GPC6: variants seen among roughly 807,000 people sequenced by gnomAD.
The protein encoded by GPC6 is glypican 6, also known as glypican-6.
In GPC6, 14 loss-of-function variants were observed where a neutral mutation model predicts 55.2. That is an observed-to-expected ratio of 0.25 (90% CI 0.17 to 0.40). The LOEUF is 0.40. Among genes scored for constraint, GPC6 ranks in the 10% least tolerant of loss-of-function variants. The pLI, the probability that GPC6 is intolerant of heterozygous loss-of-function variation, is 1.00. For synonymous variants in GPC6, 278 were observed against 259.6 expected (o/e 1.07, Z -0.68); for missense variants, 641 against 708.5 (o/e 0.90, Z 1.08).
intron 4 of GPC6, among the ~76,000 whole-genome samples, chr13:94,122,588 A>G (rs1179076525): frequency 6.6e-6 from 1 of 152,080 alleles, no homozygotes; most frequent in Non-Finnish European, 1.5e-5. Context: ...AAAGGAGATG[A>G]GAAATAGATG....
intron 2 of GPC6, among the ~76,000 whole-genome samples, chr13:93,672,097 A>C (rs535286473): frequency 5.9e-5 from 9 of 152,050 alleles, no homozygotes; most frequent in Non-Finnish European, 1.0e-4. Context: ...ACAACGTAGA[A>C]AAAAGGGTCC....
intron 6 of GPC6, 53 bp from the exon 7 acceptor site, chr13:94,382,361 A>G (rs907007663): frequency 1.2e-6 from 2 of 1,605,278 alleles, no homozygotes; most frequent in Admixed American, 3.3e-5. Flanking sequence ...TTGTGTAGAA[A>G]TGGGGAAAGC....
At chr13:93,592,394 AATATATAAATATAAATATATAAATAT>A (rs1490942754) in intron 2 of GPC6, among the ~76,000 whole-genome samples, 2 of 140,744 alleles carry the variant, frequency 1.4e-5, no homozygotes, top group Non-Finnish European at 3.0e-5. Context: ...AATATATATT[AATATATAAATATAAATATATAAATAT>A]ATATATATTT....
chr13:94,023,587 C>A (rs1048129068), intron 3 of GPC6, among the ~76,000 whole-genome samples: 2 of 152,004 alleles, frequency 1.3e-5, no homozygotes, highest in African/African-American at 4.8e-5. Context: ...ACGAAACATA[C>A]TCTTACCACC....
intron 4 of GPC6, among the ~76,000 whole-genome samples, chr13:94,077,380 C>T (rs1335636590): frequency 6.6e-6 from 1 of 151,698 alleles, no homozygotes; most frequent in Non-Finnish European, 1.5e-5. Flanking sequence ...TTAGTGGAGA[C>T]TTTAGAGTTT....
intron 2 of GPC6, among the ~76,000 whole-genome samples, chr13:93,589,805 C>T (rs1439073956): frequency 5.3e-5 from 8 of 152,154 alleles, no homozygotes; most frequent in Non-Finnish European, 1.2e-4. Flanking sequence ...AGCTGTATTA[C>T]ACCTTTTGTT....
At chr13:93,500,981 CT>C (rs749392082) in intron 1 of GPC6, among the ~76,000 whole-genome samples, 126 of 152,240 alleles carry the variant, frequency 8.3e-4, no homozygotes, top group Non-Finnish European at 1.6e-4. Flanking sequence ...TTAACAAGAA[CT>C]TTTTGTTACT....
chr13:93,378,494 G>A (rs1389291571), intron 1 of GPC6, among the ~76,000 whole-genome samples: 1 of 152,008 alleles, frequency 6.6e-6, no homozygotes, highest in African/African-American at 2.4e-5. Context: ...CCTATTTTGT[G>A]TCCCTAAGGC....
intron 1 of GPC6, among the ~76,000 whole-genome samples, chr13:93,496,112 C>A (rs926565414): frequency 6.6e-6 from 1 of 152,130 alleles, no homozygotes; most frequent in African/African-American, 2.4e-5. Context: ...GGTTGGCGCC[C>A]CTCCCCCAGC....
intron 3 of GPC6, among the ~76,000 whole-genome samples, chr13:93,881,099 T>C (rs1040689707): frequency 6.6e-6 from 1 of 152,078 alleles, no homozygotes; most frequent in Admixed American, 6.6e-5. Flanking sequence ...AACAATCTTT[T>C]GGATTTAATC....
intron 1 of GPC6, among the ~76,000 whole-genome samples, chr13:93,388,753 T>G (rs1875501860): frequency 6.6e-6 from 1 of 152,190 alleles, no homozygotes; most frequent in South Asian, 2.1e-4. Flanking sequence ...CTGATATATT[T>G]TTATGTTTAT....
intron 3 of GPC6, among the ~76,000 whole-genome samples, chr13:93,898,024 T>C (rs1876111921): frequency 6.6e-6 from 1 of 152,154 alleles, no homozygotes; most frequent in Non-Finnish European, 1.5e-5. Flanking sequence ...GGGAGGTTTT[T>C]CTACCATCAG....
At chr13:94,071,778 A>G (rs1884743996) in intron 4 of GPC6, among the ~76,000 whole-genome samples, 1 of 152,214 alleles carries the variant, frequency 6.6e-6, no homozygotes, top group Non-Finnish European at 1.5e-5. Context: ...AGTGAAGTTC[A>G]TGTAAATTTT....
At chr13:93,329,830 GAAC>G (rs1879780916) in intron 1 of GPC6, among the ~76,000 whole-genome samples, 2 of 149,108 alleles carry the variant, frequency 1.3e-5, no homozygotes, top group Non-Finnish European at 1.5e-5. Flanking sequence ...ATAAATGGAT[GAAC>G]AACAATAACA....
chr13:94,211,430 A>G (rs1890076169), intron 4 of GPC6, among the ~76,000 whole-genome samples: 1 of 152,226 alleles, frequency 6.6e-6, no homozygotes, highest in Non-Finnish European at 1.5e-5. Flanking sequence ...AAATGCATTT[A>G]CCTTTTGTCT....
intron 6 of GPC6, 129 bp downstream of exon 6, chr13:94,306,252 T>A: frequency 1.1e-6 from 1 of 881,908 alleles, no homozygotes; most frequent in Non-Finnish European, 1.9e-6. Flanking sequence ...CCTCTGTTCT[T>A]AATTAGAATA....
chr13:93,910,591 T>C (rs1876918056), intron 3 of GPC6, among the ~76,000 whole-genome samples: 1 of 152,104 alleles, frequency 6.6e-6, no homozygotes, highest in Non-Finnish European at 1.5e-5. Context: ...TTATCACCAC[T>C]GGCCCAGATA....
chr13:94,310,581 T>G (rs536616430), intron 6 of GPC6, among the ~76,000 whole-genome samples: 20 of 152,360 alleles, frequency 1.3e-4, no homozygotes, highest in Non-Finnish European at 1.9e-4. Flanking sequence ...AGCATTGGTC[T>G]TATTCTTCCT....
chr13:94,375,181 A>G (rs1452145059), intron 6 of GPC6, among the ~76,000 whole-genome samples: 3 of 151,820 alleles, frequency 2.0e-5, no homozygotes, highest in African/African-American at 7.3e-5. Flanking sequence ...CACATTCAAA[A>G]GCTAGCAGAA....
Sources: gnomAD v4.1 joint callset for allele counts (sites outside exome capture counted in the v4.1 genomes callset) on GRCh38, gnomAD v4.1.1 for gene constraint, MANE v1.5 for transcripts, NCBI Gene and HGNC (gene_info 2026-07-23, HGNC 2026-07-21) for gene names.